Variants in NOS1AP observed in about 807,000 individuals in gnomAD.
The protein encoded by NOS1AP is carboxyl-terminal PDZ ligand of neuronal nitric oxide synthase protein.
NOS1AP carries 21 observed loss-of-function variants against 56.2 expected under a neutral mutation model. That is an observed-to-expected ratio of 0.37 (90% confidence interval 0.26 to 0.54). The LOEUF (loss-of-function observed/expected upper bound fraction) is 0.54. Among genes scored for constraint, NOS1AP ranks in the 20% least tolerant of loss-of-function variants. The pLI is 0.84. For synonymous variants in NOS1AP, 270 were observed against 274.6 expected (o/e 0.98, Z 0.17); for missense variants, 522 against 657.8 (o/e 0.79, Z 2.26).
chr1:162,225,135 T>C (rs140734435), intron 2 of NOS1AP, among the ~76,000 whole-genome samples: 18 of 152,326 alleles, frequency 1.2e-4, no homozygotes, highest in African/African-American at 4.1e-4. Context: ...GCCTGCTGTG[T>C]GTCAGCACAA....
At chr1:162,288,335 A>C (rs1655156724) in intron 3 of NOS1AP, among the ~76,000 whole-genome samples, 1 of 152,184 alleles carries the variant, frequency 6.6e-6, no homozygotes, top group South Asian at 2.1e-4. Flanking sequence ...TCCTGAGCTT[A>C]TTTTGGTTCC....
chr1:162,244,078 A>T (rs1653582974), intron 2 of NOS1AP, among the ~76,000 whole-genome samples: 1 of 152,200 alleles, frequency 6.6e-6, no homozygotes, highest in Non-Finnish European at 1.5e-5. Flanking sequence ...ATCGGGCCTT[A>T]AAGTATTTTT....
intron 6 of NOS1AP, among the ~76,000 whole-genome samples, chr1:162,352,145 C>T (rs193281109): frequency 3.9e-4 from 60 of 152,176 alleles, no homozygotes; most frequent in South Asian, 2.1e-3. Flanking sequence ...CTGCAACCTC[C>T]GCCTCCTGGG....
chr1:162,147,054 G>T (rs1459365553), intron 1 of NOS1AP, among the ~76,000 whole-genome samples: 1 of 152,156 alleles, frequency 6.6e-6, no homozygotes, highest in Non-Finnish European at 1.5e-5. Flanking sequence ...ACAAGGCCGG[G>T]CGCGGTGGCT....
At chr1:162,356,604 G>C (rs371684680) in intron 7 of NOS1AP, among the ~76,000 whole-genome samples, 4 of 152,262 alleles carry the variant, frequency 2.6e-5, no homozygotes, top group Admixed American at 6.5e-5. Flanking sequence ...TGGAAGCTAC[G>C]TTTTCCTAAA....
chr1:162,300,881 A>G (rs1437010715), intron 4 of NOS1AP, among the ~76,000 whole-genome samples, 175 bp downstream of exon 4: 2 of 152,152 alleles, frequency 1.3e-5, no homozygotes, highest in Admixed American at 1.3e-4. Context: ...CTGCCTTATC[A>G]TTCTGGTCAT....
intron 1 of NOS1AP, among the ~76,000 whole-genome samples, chr1:162,134,052 A>C (rs909449058): frequency 5.3e-5 from 8 of 152,232 alleles, no homozygotes; most frequent in Non-Finnish European, 1.2e-4. Flanking sequence ...AATGAATTTC[A>C]GTTTAAAAGG....
At chr1:162,302,767 C>T (rs1655705899) in intron 4 of NOS1AP, among the ~76,000 whole-genome samples, 1 of 152,180 alleles carries the variant, frequency 6.6e-6, no homozygotes, top group Non-Finnish European at 1.5e-5. Flanking sequence ...CCAAAAGTTT[C>T]CTTGTGCTTT....
intron 6 of NOS1AP, among the ~76,000 whole-genome samples, chr1:162,345,637 C>T (rs1657267697): frequency 1.3e-5 from 2 of 152,306 alleles, no homozygotes; most frequent in South Asian, 4.1e-4. Context: ...TGCTAGTCTG[C>T]AAATGGCAGC....
Position 162,104,517 on chromosome 1 carries a change from CT to C in NOS1AP, c.105+34242del, listed in dbSNP as rs1475102989. ...TGAAGTATGTTTTCCAGCTTGGTTC[CT>C]TTTTTTCCCATCTCTTAAAGGTACC... is the stretch of plus-strand genomic sequence containing the variant. On this transcript the variant is annotated intron_variant, in intron 1 of 9. Coordinates refer to ENST00000361897, the MANE Select transcript of NOS1AP (RefSeq NM_014697.3). 5.9e-5 allele frequency among the ~76,000 whole-genome samples: 9 copies of C among 151,578 alleles called. 1 individual carries two copies. In the South Asian group the frequency reaches 1.9e-3, roughly 32 times the overall value.
rs151278301 is a variant in NOS1AP, at chr1:162,220,171, A to G, written c.177+65695A>G. Reference sequence around the variant, plus strand: ...GGCCTCGAGCTCCTGGCCTCAAGCAATCCTCTCCAGTAGTTGGGCTTATAG... The same window carrying G: ...GGCCTCGAGCTCCTGGCCTCAAGCAGTCCTCTCCAGTAGTTGGGCTTATAG... On this transcript the variant is annotated intron_variant, in intron 2 of 9. Transcript: ENST00000361897. Among the ~76,000 whole-genome samples, 31 of 152,310 alleles carry G rather than the reference A, an allele frequency of 2.0e-4. No homozygotes were observed. In the East Asian group the frequency reaches 4.8e-3, roughly 24 times the overall value.
intron 3 of NOS1AP, among the ~76,000 whole-genome samples, chr1:162,296,566 G>GTT (rs1655469234): frequency 1.3e-5 from 2 of 152,282 alleles, no homozygotes; most frequent in African/African-American, 2.4e-5. Context: ...TCTTTTAAAA[G>GTT]TAAAGTATGT....
chr1:162,217,588 C>A (rs1481408091), intron 2 of NOS1AP, among the ~76,000 whole-genome samples: 1 of 152,072 alleles, frequency 6.6e-6, no homozygotes, highest in Non-Finnish European at 1.5e-5. Context: ...TTTGTTCAAG[C>A]ACTGGTGTGC....
intron 2 of NOS1AP, among the ~76,000 whole-genome samples, chr1:162,182,419 A>G (rs1018420836): frequency 6.6e-6 from 1 of 152,208 alleles, no homozygotes; most frequent in African/African-American, 2.4e-5. Flanking sequence ...CTTGATGTTG[A>G]TGGCTACTGA....
intron 8 of NOS1AP, among the ~76,000 whole-genome samples, chr1:162,361,815 G>A (rs1557893676): frequency 6.6e-6 from 1 of 152,116 alleles, no homozygotes; most frequent in Admixed American, 6.5e-5. Context: ...TTGGGTACCT[G>A]CAAAAAAAGC....
chr1:162,312,814 G>A (rs1656088657), intron 4 of NOS1AP, among the ~76,000 whole-genome samples: 2 of 151,902 alleles, frequency 1.3e-5, no homozygotes, highest in African/African-American at 4.8e-5. Context: ...TGGGATGCAA[G>A]GCTGGTTCAA....
chr1:162,220,941 ATTATTT>A (rs944651844), intron 2 of NOS1AP, among the ~76,000 whole-genome samples: 51 of 152,140 alleles, frequency 3.4e-4, no homozygotes, highest in African/African-American at 1.1e-3. Context: ...TCCTTTACAC[ATTATTT>A]TTATTATTTT....
At position 162,201,966 on chromosome 1, in the gene NOS1AP, G is replaced by A. The variant is rs138727710; in HGVS notation, c.177+47490G>A. Among the ~76,000 whole-genome samples the A allele has an allele frequency of 2.8e-4, 42 of 152,304 alleles. 1 individual carries two copies. Among genetic ancestry groups the A allele is most frequent in the African/African-American group, 8.4e-4 (35 of 41,584 alleles). On this transcript the variant is annotated intron_variant, in intron 2 of 9. Transcript: ENST00000361897. ...CTTAAAAGGGATAACACATTGCAGTGTGTTCAGAGGAGAGTTGGAAAGCCT... is the reference window on the plus strand; with the variant it reads ...CTTAAAAGGGATAACACATTGCAGTATGTTCAGAGGAGAGTTGGAAAGCCT...
intron 1 of NOS1AP, among the ~76,000 whole-genome samples, chr1:162,119,690 T>C (rs1648121272): frequency 6.6e-6 from 1 of 152,184 alleles, no homozygotes; most frequent in Non-Finnish European, 1.5e-5. Flanking sequence ...CCTAATTCTT[T>C]ATGCGGCTCT....
Sources: allele counts gnomAD v4.1 joint callset (sites outside exome capture counted in the v4.1 genomes callset), GRCh38; gene constraint gnomAD v4.1.1; transcripts MANE v1.5; gene names NCBI Gene and HGNC (gene_info 2026-07-23, HGNC 2026-07-21).